The following CIB1 variants were observed in gnomAD, a reference collection of about 807,000 sequenced individuals.
CIB1 encodes calcium and integrin binding 1, also known as calcium and integrin-binding protein 1.
A neutral mutation model predicts 25.0 loss-of-function variants in CIB1; 19 were observed. The observed-to-expected ratio is 0.76, with a 90% CI of 0.53 to 1.12. CIB1 has a LOEUF of 1.12. Ranked by LOEUF, CIB1 falls within the 50% of genes most tolerant of loss-of-function variation. The probability of loss-of-function intolerance (pLI) is 0.00; values close to 1 mark genes in which losing one functional copy is unlikely to be tolerated. For synonymous variants in CIB1, 104 were observed against 98.5 expected (o/e 1.06, Z -0.33); for missense variants, 236 against 242.6 (o/e 0.97, Z 0.18).
chr15:90,258,318 T>G, the CIB1 span: 1 of 1,510,012 alleles, frequency 6.6e-7, no homozygotes, highest in African/African-American at 1.4e-5. Flanking sequence ...AGAGGCCTCC[T>G]TGAATAGGAC....
At chr15:90,251,670 AC>A in the CIB1 span, 2 of 1,539,000 alleles carry the variant, frequency 1.3e-6, no homozygotes, top group East Asian at 2.3e-5. Flanking sequence ...TCTGGAATGG[AC>A]CCCCGATCAG....
chr15:90,262,667 G>A, the CIB1 span: 1 of 1,483,570 alleles, frequency 6.7e-7, no homozygotes, highest in African/African-American at 1.4e-5. Context: ...CTGGGAGAAA[G>A]AGGTGCCAGG....
the CIB1 span, among the ~76,000 whole-genome samples, chr15:90,239,622 T>C: frequency 1.3e-5 from 2 of 152,312 alleles, no homozygotes; most frequent in African/African-American, 4.8e-5. Flanking sequence ...TTCATTTACT[T>C]TCCACCGGGC....
chr15:90,233,606 G>A, intron 2 of CIB1, 63 bp downstream of exon 2: 3 of 1,540,940 alleles, frequency 1.9e-6, no homozygotes, highest in Non-Finnish European at 2.6e-6. Context: ...CCTCGGGACA[G>A]CGCCCCCGAA....
At chr15:90,256,012 C>CA in the CIB1 span, 16 of 1,560,712 alleles carry the variant, frequency 1.0e-5, no homozygotes, top group Non-Finnish European at 1.4e-5. Flanking sequence ...TTCAGCTGGT[C>CA]AAAGAAAAGA....
intron 3 of CIB1, 71 bp from the exon 4 acceptor site, chr15:90,231,578 A>G: frequency 6.4e-7 from 1 of 1,555,350 alleles, no homozygotes; most frequent in Non-Finnish European, 8.7e-7. Flanking sequence ...AACTTGAGAG[A>G]GCAGGTCACA....
chr15:90,256,913 C>G, the CIB1 span, among the ~76,000 whole-genome samples: 1 of 152,014 alleles, frequency 6.6e-6, no homozygotes, highest in African/African-American at 2.4e-5. Context: ...GTCTTGAACT[C>G]CTGAACTCGT....
upstream of CIB1, among the ~76,000 whole-genome samples, chr15:90,237,746 A>G (rs77908380): frequency 0.024 from 3,676 of 150,442 alleles, 144 homozygotes; most frequent in African/African-American, 0.081. Context: ...TTATTATCTC[A>G]TTTTAAATTT....
upstream of CIB1, among the ~76,000 whole-genome samples, chr15:90,235,491 GCAAC>G (rs1596174915): frequency 2.6e-5 from 4 of 151,992 alleles, no homozygotes; most frequent in African/African-American, 9.7e-5. Context: ...TCCAGCCTGG[GCAAC>G]AGAGTGAGAC....
At chr15:90,258,070 A>C in the CIB1 span, 6 of 1,614,174 alleles carry the variant, frequency 3.7e-6, no homozygotes, top group Non-Finnish European at 5.1e-6. Context: ...TGGCTGCAAG[A>C]GCACAGCTAC....
chr15:90,248,918 A>G, the CIB1 span, among the ~76,000 whole-genome samples: 1 of 152,222 alleles, frequency 6.6e-6, no homozygotes, highest in African/African-American at 2.4e-5. Context: ...GTGAAGGAGC[A>G]CTGTGATAAG....
chr15:90,264,572 T>C, the CIB1 span: 1 of 899,578 alleles, frequency 1.1e-6, no homozygotes, highest in African/African-American at 1.7e-5. Flanking sequence ...AGACATACCA[T>C]ACCAATTACA....
the CIB1 span, chr15:90,257,055 C>A: frequency 7.8e-7 from 1 of 1,280,070 alleles, no homozygotes; most frequent in East Asian, 2.4e-5. Context: ...ATTCAATTAG[C>A]TATGTGTGTG....
chr15:90,256,606 T>TTCCTTTCCTTCC, the CIB1 span, among the ~76,000 whole-genome samples: 2 of 30,510 alleles, frequency 6.6e-5, no homozygotes, highest in African/African-American at 1.4e-4. Context: ...TCTTTCTTTC[T>TTCCTTTCCTTCC]TTCCTTCCTT....
the CIB1 span, among the ~76,000 whole-genome samples, chr15:90,256,608 TC>T: frequency 1.8e-3 from 101 of 55,392 alleles, no homozygotes; most frequent in African/African-American, 7.2e-3. Flanking sequence ...TTTCTTTCTT[TC>T]CTTCCTTCCT....
the CIB1 span, chr15:90,261,906 A>C: frequency 9.8e-7 from 1 of 1,015,690 alleles, no homozygotes; most frequent in South Asian, 2.2e-5. Context: ...CAGGAGGTCA[A>C]GAAGCCAGCA....
the CIB1 span, chr15:90,262,447 C>T: frequency 6.9e-7 from 1 of 1,441,300 alleles, no homozygotes; most frequent in Non-Finnish European, 9.1e-7. Context: ...CCCTCTTCTC[C>T]CCAACACCAT....
upstream of CIB1, chr15:90,234,159 C>G (rs1385034985): frequency 2.0e-5 from 3 of 150,430 alleles, no homozygotes; most frequent in Non-Finnish European, 3.3e-5. Flanking sequence ...GCCCCGCCTC[C>G]GGGGTGGGAG....
chr15:90,255,917 C>A, the CIB1 span: 7 of 1,613,446 alleles, frequency 4.3e-6, no homozygotes, highest in Middle Eastern at 3.3e-4. Flanking sequence ...TGCTGAGATA[C>A]CAGGGGGAGG....
Sources: allele counts gnomAD v4.1 joint callset (sites outside exome capture counted in the v4.1 genomes callset), GRCh38; gene constraint gnomAD v4.1.1; transcripts MANE v1.5; gene names NCBI Gene and HGNC (gene_info 2026-07-23, HGNC 2026-07-21).